The following SLC25A17 variants were observed in gnomAD, a reference collection of about 807,000 sequenced individuals.
SLC25A17 encodes the protein solute carrier family 25 member 17, also known as peroxisomal membrane protein PMP34.
A neutral mutation model predicts 38.5 loss-of-function variants in SLC25A17; 26 were observed. The observed-to-expected ratio is 0.68, with a 90% CI of 0.50 to 0.94. The LOEUF is 0.94. Ranked by LOEUF, SLC25A17 falls within the 40% of genes least tolerant of loss-of-function variation. SLC25A17 has a pLI of 0.00. For synonymous variants in SLC25A17, 139 were observed against 136.2 expected (o/e 1.02, Z -0.14); for missense variants, 333 against 372.7 (o/e 0.89, Z 0.88).
intron 1 of SLC25A17, among the ~76,000 whole-genome samples, chr22:40,812,770 G>A (rs973023939): frequency 2.0e-5 from 3 of 151,856 alleles, no homozygotes; most frequent in Admixed American, 1.3e-4. Flanking sequence ...CACTTTAGGA[G>A]GTGGGAGAAT....
In SLC25A17 at chr22:40,777,167, A is replaced by G; in HGVS notation, c.598-32T>C. ...AGCAAAGGAAGAACAAACCATATCA[A>G]TCAAGTCAACAAGAAGGTGTCAGAC... On this transcript the variant is annotated intron_variant, in intron 6 of 8. Coordinates refer to ENST00000435456, the MANE Select transcript of SLC25A17 (RefSeq NM_006358.4). The G allele has an allele frequency of 1.9e-6, 3 of 1,613,884 alleles. No homozygotes were observed. The South Asian group carries it at 3.3e-5, about 18-fold the overall frequency.
At chr22:40,806,822 G>C (rs1218145213) in intron 1 of SLC25A17, among the ~76,000 whole-genome samples, 5 of 152,086 alleles carry the variant, frequency 3.3e-5, no homozygotes, top group Admixed American at 1.3e-4. Flanking sequence ...TGTAACCTGT[G>C]ACTTTTTGCT....
At chr22:40,817,850 G>A (rs2057658223) in intron 1 of SLC25A17, among the ~76,000 whole-genome samples, 1 of 152,160 alleles carries the variant, frequency 6.6e-6, no homozygotes, top group Admixed American at 6.5e-5. Flanking sequence ...CTCCACTCCG[G>A]AAACACAGGC....
At chr22:40,815,428 T>A (rs1248825267) in intron 1 of SLC25A17, among the ~76,000 whole-genome samples, 1 of 152,152 alleles carries the variant, frequency 6.6e-6, no homozygotes, top group Non-Finnish European at 1.5e-5. Flanking sequence ...CAACTGTAAT[T>A]GGAAAAAACT....
At chr22:40,800,241 C>T (rs1269431183) in intron 1 of SLC25A17, among the ~76,000 whole-genome samples, 1 of 151,890 alleles carries the variant, frequency 6.6e-6, no homozygotes, top group Non-Finnish European at 1.5e-5. Context: ...ATATAAAAAC[C>T]ACAAACATAT....
rs1356761628 is a variant in SLC25A17, at chr22:40,808,773, G to A, written c.55-9690C>T. On this transcript the variant is annotated intron_variant, in intron 1 of 8. Transcript: ENST00000435456. The stretch of plus-strand genomic sequence containing the variant: ...CTAGTGATTCTCAAACTATAGTCTG[G>A]AGATCCCTAAAAGTCCCCAAATCCT... Among the ~76,000 whole-genome samples the A allele has an allele frequency of 1.3e-5, 2 of 152,174 alleles. 1 individual carries two copies.
intron 4 of SLC25A17, among the ~76,000 whole-genome samples, chr22:40,787,995 A>G (rs1407746628): frequency 6.6e-6 from 1 of 152,202 alleles, no homozygotes; most frequent in African/African-American, 2.4e-5. Context: ...AGCTCAAGCA[A>G]TCCTCCCACC....
In SLC25A17 at chr22:40,801,387, T is replaced by C. The variant is rs1428035127; in HGVS notation, c.55-2304A>G. Among the ~76,000 whole-genome samples the C allele has an allele frequency of 2.0e-5, 3 of 152,002 alleles. No individual in the cohort carries two copies. The East Asian group carries it at 5.8e-4, about 29-fold the overall frequency. On this transcript the variant is annotated intron_variant, in intron 1 of 8. Coordinates refer to ENST00000435456, the MANE Select transcript of SLC25A17 (RefSeq NM_006358.4). ...ACTTATTTATGGCTCTTTCAGCACA[T>C]ATACTACAGTGAAATCCAACTCTTC...
At chr22:40,774,617 GGAT>G (rs2057222371) in intron 7 of SLC25A17, among the ~76,000 whole-genome samples, 1 of 152,116 alleles carries the variant, frequency 6.6e-6, no homozygotes, top group Non-Finnish European at 1.5e-5. Flanking sequence ...AATATGCCCA[GGAT>G]GATGATTTAG....
intron 3 of SLC25A17, 92 bp from the exon 4 acceptor site, chr22:40,792,768 G>C: frequency 7.5e-7 from 1 of 1,325,400 alleles, no homozygotes; most frequent in Non-Finnish European, 1.1e-6. Flanking sequence ...TCATTCACAT[G>C]GTCTCAAGCT....
At chr22:40,784,721 C>CGGA in intron 4 of SLC25A17, 1 of 138,132 alleles carries the variant, frequency 7.2e-6, no homozygotes, top group Non-Finnish European at 1.5e-5. Context: ...CTGCAGTGAA[C>CGGA]TATGACTGCA....
chr22:40,776,613 G>A (rs1055716639), intron 7 of SLC25A17, among the ~76,000 whole-genome samples: 1 of 152,110 alleles, frequency 6.6e-6, no homozygotes, highest in Admixed American at 6.5e-5. Flanking sequence ...TGAAAAAATG[G>A]GGGCCAGGCA....
intron 1 of SLC25A17, among the ~76,000 whole-genome samples, chr22:40,804,154 G>C (rs2057508698): frequency 6.6e-6 from 1 of 152,072 alleles, no homozygotes; most frequent in African/African-American, 2.4e-5. Context: ...CAAAGGACTA[G>C]CAAAAGGAGT....
chr22:40,772,426 TC>T (rs2057193151), intron 8 of SLC25A17, among the ~76,000 whole-genome samples: 1 of 152,118 alleles, frequency 6.6e-6, no homozygotes, highest in Non-Finnish European at 1.5e-5. Flanking sequence ...CACCTCAGCC[TC>T]CTGGGTAGCT....
chr22:40,771,623 G>A lies in SLC25A17; in HGVS notation c.777-642C>T, dbSNP rs374844880. 3.9e-5 allele frequency among the ~76,000 whole-genome samples: 6 copies of A among 152,138 alleles called. No homozygotes were observed. The East Asian group carries it at 5.8e-4, about 15-fold the overall frequency. On this transcript the variant is annotated intron_variant, in intron 8 of 8. Coordinates refer to ENST00000435456, the MANE Select transcript of SLC25A17 (RefSeq NM_006358.4). ...AACCAGGCACAGAAAGACAAATATCGCATGTTCTCACTTATTTGAGGGACC... is the reference window on the plus strand; with the variant it reads ...AACCAGGCACAGAAAGACAAATATCACATGTTCTCACTTATTTGAGGGACC...
intron 1 of SLC25A17, among the ~76,000 whole-genome samples, chr22:40,815,383 C>T (rs1028345567): frequency 6.6e-6 from 1 of 152,060 alleles, no homozygotes; most frequent in African/African-American, 2.4e-5. Context: ...GTCTATTTTT[C>T]CTCTGAGACC....
At chr22:40,784,378 C>T (rs1307893224) in intron 4 of SLC25A17, 1 of 152,104 alleles carries the variant, frequency 6.6e-6, no homozygotes, top group African/African-American at 2.4e-5. Flanking sequence ...CATACGTTTG[C>T]AGGGGGAGAA....
chr22:40,788,097 C>T (rs1345707229), intron 4 of SLC25A17, among the ~76,000 whole-genome samples: 1 of 152,144 alleles, frequency 6.6e-6, no homozygotes, highest in East Asian at 1.9e-4. Flanking sequence ...TTTAGAAGTA[C>T]GCACTACACA....
intron 8 of SLC25A17, among the ~76,000 whole-genome samples, chr22:40,773,678 AG>A (rs1457373281): frequency 1.3e-5 from 2 of 152,262 alleles, no homozygotes; most frequent in African/African-American, 2.4e-5. Flanking sequence ...GAAGTATAGA[AG>A]GGTTCTCTTT....
Sources: allele counts gnomAD v4.1 joint callset (sites outside exome capture counted in the v4.1 genomes callset), GRCh38; gene constraint gnomAD v4.1.1; transcripts MANE v1.5; gene names NCBI Gene and HGNC (gene_info 2026-07-23, HGNC 2026-07-21).